GTPBP4: variants seen among roughly 807,000 people sequenced by gnomAD.
GTPBP4 encodes the protein GTP-binding protein 4.
In GTPBP4, 15 loss-of-function variants were observed where a neutral mutation model predicts 81.7. That is an observed-to-expected ratio of 0.18 (90% confidence interval 0.12 to 0.28). The LOEUF is 0.28. Ranked by LOEUF, GTPBP4 falls within the 10% of genes least tolerant of loss-of-function variation. The pLI is 1.00. For synonymous variants in GTPBP4, 272 were observed against 274.6 expected (o/e 0.99, Z 0.09); for missense variants, 847 against 793.8 (o/e 1.07, Z -0.81).
At chr10:1,014,143 A>G in intron 14 of GTPBP4, 104 bp from the exon 15 acceptor site, 1 of 663,026 alleles carries the variant, frequency 1.5e-6, no homozygotes, top group Non-Finnish European at 2.7e-6. Context: ...AAATAAGTAT[A>G]TTATAATTGT....
Position 1,014,267 on chromosome 10 carries a change from G to A in GTPBP4, c.1563G>A (p.Glu521=), listed in dbSNP as rs1348226044. The A allele has an allele frequency of 1.2e-6, 2 of 1,606,446 alleles. No individual in the cohort carries two copies. The highest frequency in any genetic ancestry group is 1.7e-4 in the Middle Eastern group (1 of 6,038). Residue 521 remains glutamate, a synonymous_variant, in exon 15 of 17, where the codon GAG becomes GAA. Transcript: ENST00000360803. ...TAKKVQRTVL[E]KEMRSLGVDM... is the part of the protein sequence containing the mutation. The stretch of plus-strand genomic sequence containing the variant: ...CTCAGGTTCAGAGGACAGTTTTGGA[G>A]AAGGAGATGCGTAGTCTTGGTGTTG...
chr10:1,012,381 G>T, intron 13 of GTPBP4, 84 bp from the exon 14 acceptor site: 1 of 909,740 alleles, frequency 1.1e-6, no homozygotes, highest in Non-Finnish European at 1.7e-6. Context: ...GGGAAACAAA[G>T]CTCCCATACA....
rs766481852 is a variant in GTPBP4 at position 1,009,067 on chromosome 10, C to T, written c.1191+32C>T. 1.3e-5 allele frequency: 19 copies of T among 1,494,408 alleles called. No homozygotes were observed. The East Asian group carries it at 4.3e-4, about 34-fold the overall frequency. The allele number at this position is 1,494,408 out of a possible 1,614,324, so 92.6% of individuals were successfully genotyped here. A position where few individuals can be genotyped will look rare whatever the true frequency, so the allele number is the denominator to read the frequency against. On this transcript the variant is annotated intron_variant, in intron 11 of 16. Coordinates refer to ENST00000360803, the MANE Select transcript of GTPBP4 (RefSeq NM_012341.3). Reference sequence around the variant, plus strand: ...TGCCGAAGCTCTCGCCCAGTGTTCTCATGGGGGGAGGCAGGCTGTGTGTGC... The same window carrying T: ...TGCCGAAGCTCTCGCCCAGTGTTCTTATGGGGGGAGGCAGGCTGTGTGTGC...
At chr10:1,014,741 G>A (rs1464280683) in intron 15 of GTPBP4, among the ~76,000 whole-genome samples, 1 of 152,152 alleles carries the variant, frequency 6.6e-6, no homozygotes, top group African/African-American at 2.4e-5. Flanking sequence ...AGAGCTTCCA[G>A]TTTTTCTCTT....
In GTPBP4 at chr10:1,019,854, C is replaced by T. The variant is rs1470293880; in HGVS notation, c.*2627C>T. 6.4e-7 allele frequency: 1 copy of T among 1,551,038 alleles called. No individual in the cohort carries two copies. The highest frequency in any genetic ancestry group is 8.9e-7 in the Non-Finnish European group (1 of 1,123,508). ...AGAAATCTATTGACAGAAATTGGTG[C>T]AGTGTTAACAACGCTAATGTAAAAC... On this transcript the variant is annotated 3_prime_UTR_variant, in exon 17 of 17. Transcript: ENST00000360803.
At position 1,011,525 on chromosome 10, in the gene GTPBP4, T is replaced by C. The variant is rs375930968; in HGVS notation, c.1345-940T>C. 6.0e-5 allele frequency among the ~76,000 whole-genome samples: 9 copies of C among 150,698 alleles called. No homozygotes were observed. The East Asian group carries it at 1.4e-3, about 23-fold the overall frequency. On this transcript the variant is annotated intron_variant, in intron 13 of 16. Transcript: ENST00000360803. ...ATACAATACTTGCTGTCCTGCCTTC[T>C]TCTCTCAGCTGAGCTCTCTGGAACA...
Position 998,884 on chromosome 10 carries a change from T to G in GTPBP4, c.562-119T>G, listed in dbSNP as rs72760905. The G allele has an allele frequency of 2.0e-3, 1,329 of 672,414 alleles. 1 individual carries two copies. Among genetic ancestry groups the G allele is most frequent in the Middle Eastern group, 3.7e-3 (15 of 4,094 alleles). The allele number at this position is 672,414 out of a possible 1,614,324, so 41.7% of individuals were successfully genotyped here. A position where few individuals can be genotyped will look rare whatever the true frequency, so the allele number is the denominator to read the frequency against. Reference sequence around the variant, plus strand: ...ACCAGGCTCCTATTCGATGCAGTTTTATCGTGTGAGGTTTCTTCTATGGTT... The same window carrying G: ...ACCAGGCTCCTATTCGATGCAGTTTGATCGTGTGAGGTTTCTTCTATGGTT... On this transcript the variant is annotated intron_variant, in intron 5 of 16. Transcript: ENST00000360803.
intron 13 of GTPBP4, among the ~76,000 whole-genome samples, chr10:1,010,815 CT>C (rs1831843182): frequency 7.5e-6 from 1 of 133,176 alleles, no homozygotes; most frequent in South Asian, 2.6e-4. Context: ...CATCCTGACT[CT>C]GCCTCCTGCA....
At chr10:1,012,090 C>T (rs571226104) in intron 13 of GTPBP4, among the ~76,000 whole-genome samples, 10 of 152,278 alleles carry the variant, frequency 6.6e-5, no homozygotes, top group East Asian at 1.9e-4. Flanking sequence ...GACATTAGAA[C>T]GGACACGTGG....
At chr10:1,001,530 A>G (rs191493362) in intron 8 of GTPBP4, among the ~76,000 whole-genome samples, 5 of 152,342 alleles carry the variant, frequency 3.3e-5, no homozygotes, top group Admixed American at 3.3e-4. Flanking sequence ...GGCATCCTTC[A>G]TGATAAATGC....
intron 2 of GTPBP4, among the ~76,000 whole-genome samples, chr10:995,580 A>G (rs996429654): frequency 1.3e-5 from 2 of 152,168 alleles, no homozygotes; most frequent in Non-Finnish European, 2.9e-5. Context: ...AAATAACAGC[A>G]AATTTTTAGG....
chr10:998,981 T>A, intron 5 of GTPBP4, 22 bp from the exon 6 acceptor site: 1 of 1,369,608 alleles, frequency 7.3e-7, no homozygotes, highest in Non-Finnish European at 1.0e-6. Context: ...GAGGTGATTC[T>A]GAAAGTTCTC....
rs147613709 is a variant in GTPBP4, at chr10:995,122, G to A, written c.220-807G>A. The stretch of plus-strand genomic sequence containing the variant: ...TATATGCACTGGTGAGATATCTCAG[G>A]AGATGCTGGCCTGGTGATTTAAAAT... On this transcript the variant is annotated intron_variant, in intron 2 of 16. Transcript: ENST00000360803. Among the ~76,000 whole-genome samples the A allele has an allele frequency of 4.9e-4, 74 of 152,298 alleles. 1 individual carries two copies. The highest frequency in any genetic ancestry group is 4.1e-3 in the South Asian group (20 of 4,822).
rs767591457 is a variant in GTPBP4, at chr10:1,019,872, T to G, written c.*2645T>G. ...ATTGGTGCAGTGTTAACAACGCTAATGTAAAACACAGAATTTACAGAAAAA... is the reference window on the plus strand; with the variant it reads ...ATTGGTGCAGTGTTAACAACGCTAAGGTAAAACACAGAATTTACAGAAAAA... On this transcript the variant is annotated 3_prime_UTR_variant, in exon 17 of 17. Transcript: ENST00000360803. 2 of 1,369,438 alleles carry G rather than the reference T, an allele frequency of 1.5e-6. No individual in the cohort carries two copies. Among genetic ancestry groups the G allele is most frequent in the Admixed American group, 3.5e-5 (2 of 56,778 alleles). The allele number at this position is 1,369,438 out of a possible 1,614,324, so 84.8% of individuals were successfully genotyped here. A position where few individuals can be genotyped will look rare whatever the true frequency, so the allele number is the denominator to read the frequency against.
At chr10:997,056 T>G (rs1360116371) in intron 4 of GTPBP4, 152 bp from the exon 5 acceptor site, 1 of 657,218 alleles carries the variant, frequency 1.5e-6, no homozygotes, top group Non-Finnish European at 2.7e-6. Flanking sequence ...ACTATTACTT[T>G]CTGCAACTAT....
chr10:989,642 A>G (rs996333300), intron 1 of GTPBP4, among the ~76,000 whole-genome samples: 5 of 152,054 alleles, frequency 3.3e-5, no homozygotes, highest in African/African-American at 9.7e-5. Context: ...GGAGTCTCGT[A>G]TTTTACCTTC....
chr10:989,639 C>T (rs1256710418), intron 1 of GTPBP4, among the ~76,000 whole-genome samples: 1 of 152,160 alleles, frequency 6.6e-6, no homozygotes, highest in African/African-American at 2.4e-5. Flanking sequence ...GTGGGAGTCT[C>T]GTATTTTACC....
chr10:1,004,988 C>G (rs1831699251), intron 8 of GTPBP4, among the ~76,000 whole-genome samples: 1 of 152,184 alleles, frequency 6.6e-6, no homozygotes, highest in Non-Finnish European at 1.5e-5. Flanking sequence ...TGCCAGGGGG[C>G]TCCGGTGGTG....
At chr10:1,006,633 C>A (rs1406301679) in intron 9 of GTPBP4, among the ~76,000 whole-genome samples, 1 of 151,990 alleles carries the variant, frequency 6.6e-6, no homozygotes, top group African/African-American at 2.4e-5. Context: ...AGCGAGATAC[C>A]ATCTCAAAAA....
Sources: gnomAD v4.1 joint callset for allele counts (sites outside exome capture counted in the v4.1 genomes callset) on GRCh38, gnomAD v4.1.1 for gene constraint, MANE v1.5 for transcripts, NCBI Gene and HGNC (gene_info 2026-07-23, HGNC 2026-07-21) for gene names.